Variants in SORL1 observed in about 807,000 individuals in gnomAD.
SORL1 encodes the protein sortilin related receptor 1.
Under a neutral mutation model 273.7 loss-of-function variants are expected in SORL1, and 127 were observed. The ratio of observed to expected loss-of-function variants is 0.46; its 90% CI spans 0.40 to 0.54. The LOEUF is 0.54. SORL1 is among the 20% of genes least tolerant of loss of function. The probability of loss-of-function intolerance (pLI) is 0.00; values close to 1 mark genes in which losing one functional copy is unlikely to be tolerated. For synonymous variants in SORL1, 1,031 were observed against 1,067.4 expected, an observed-to-expected ratio of 0.97 and a Z score of 0.66; for missense variants, 2,494 against 2,846.1, an observed-to-expected ratio of 0.88 and a Z score of 2.81.
intron 24 of SORL1, among the ~76,000 whole-genome samples, chr11:121,575,390 A>G (rs1862912731): frequency 6.6e-6 from 1 of 152,246 alleles, no homozygotes; most frequent in Non-Finnish European, 1.5e-5. Flanking sequence ...GGGAAGTGAG[A>G]GTGGAGGTCA....
intron 14 of SORL1, 96 bp from the exon 15 acceptor site, chr11:121,549,864 A>T (rs1862482306): frequency 9.7e-7 from 1 of 1,029,928 alleles, no homozygotes; most frequent in Non-Finnish European, 1.4e-6. Flanking sequence ...CTTATAATAA[A>T]AGTGAAAAGT....
At chr11:121,538,819 C>T (rs1862305849) in intron 12 of SORL1, among the ~76,000 whole-genome samples, 1 of 152,084 alleles carries the variant, frequency 6.6e-6, no homozygotes, top group Non-Finnish European at 1.5e-5. Flanking sequence ...GCTGGGATTA[C>T]AGGCATGCAC....
At chr11:121,564,544 G>A (rs1862725550) in intron 21 of SORL1, among the ~76,000 whole-genome samples, 1 of 152,118 alleles carries the variant, frequency 6.6e-6, no homozygotes, top group African/African-American at 2.4e-5. Flanking sequence ...AAATCATCCT[G>A]TAATAGAGTA....
intron 32 of SORL1, 22 bp from the exon 33 acceptor site, chr11:121,604,171 A>G (rs575324925): frequency 3.1e-6 from 5 of 1,613,150 alleles, no homozygotes; most frequent in Non-Finnish European, 4.2e-6. Flanking sequence ...CCGTGGACTT[A>G]AGAAGCCTCT....
intron 5 of SORL1, among the ~76,000 whole-genome samples, chr11:121,493,924 G>C (rs2134819209): frequency 6.6e-6 from 1 of 152,258 alleles, no homozygotes; most frequent in South Asian, 2.1e-4. Flanking sequence ...TTCCACAGAG[G>C]GTAGCTGTTT....
In SORL1 at chr11:121,452,657, C is replaced by T; in HGVS notation, c.285+41C>T. The T allele has an allele frequency of 7.1e-7, 1 of 1,402,338 alleles. No homozygotes were observed. The highest frequency in any genetic ancestry group is 9.3e-7 in the Non-Finnish European group (1 of 1,078,344). The allele number at this position is 1,402,338 out of a possible 1,614,324, so 86.9% of individuals were successfully genotyped here. On this transcript the variant is annotated intron_variant, in intron 1 of 47. Transcript: ENST00000260197. This position sits in a 1 kb window ranked among gnomAD's most constrained non-coding sequence, Gnocchi z 5.3. ...ACCCGCCTCCCTCCAGTTTTTTCCTCTCCCTGCACTTCCTCACCCCCGCAT... is the reference window on the plus strand; with the variant it reads ...ACCCGCCTCCCTCCAGTTTTTTCCTTTCCCTGCACTTCCTCACCCCCGCAT...
At chr11:121,522,775 A>C in intron 10 of SORL1, 72 bp downstream of exon 10, 1 of 1,390,208 alleles carries the variant, frequency 7.2e-7, no homozygotes, top group Non-Finnish European at 1.0e-6. Flanking sequence ...CAGAGCGATC[A>C]CCCACACCTC....
At position 121,591,007 on chromosome 11, in the gene SORL1, A is replaced by T; in HGVS notation, c.4220A>T (p.His1407Leu). The change falls in exon 31 of 48, where the codon CAT becomes CTT. Residue 1407 changes from histidine (H) to leucine (L), a missense_variant. Coordinates refer to ENST00000260197, the MANE Select transcript of SORL1 (RefSeq NM_003105.6). ...WSDEKDCGDS[H>L]ILPFSTPGPS... ...TGCTTGGTGTTTTTCTCAGATTCAC[A>T]TATTCTTCCCTTCTCGACTCCTGGG... The T allele has an allele frequency of 6.2e-7, 1 of 1,614,216 alleles. No homozygotes were observed. The highest frequency in any genetic ancestry group is 1.3e-5 in the African/African-American group (1 of 75,054).
chr11:121,577,433 C>T (rs747522699), intron 25 of SORL1, 33 bp downstream of exon 25: 3 of 1,549,722 alleles, frequency 1.9e-6, no homozygotes, highest in South Asian at 1.2e-5. Flanking sequence ...TGACAGCACT[C>T]ATCCGTTCAT....
intron 6 of SORL1, among the ~76,000 whole-genome samples, chr11:121,512,535 C>T (rs1296531060): frequency 6.6e-6 from 1 of 152,224 alleles, no homozygotes; most frequent in African/African-American, 2.4e-5. Flanking sequence ...AACCTTGTGA[C>T]TGGAGCATCC....
chr11:121,458,895 G>A (rs1010369436), intron 1 of SORL1, among the ~76,000 whole-genome samples: 12 of 152,120 alleles, frequency 7.9e-5, no homozygotes, highest in African/African-American at 2.4e-4. Context: ...GGTGGGTTCC[G>A]TAAAAATAGG....
rs374874891 is a variant in SORL1, at chr11:121,493,146, T to G, written c.758+3036T>G. On this transcript the variant is annotated intron_variant, in intron 5 of 47. Coordinates refer to ENST00000260197, the MANE Select transcript of SORL1 (RefSeq NM_003105.6). The stretch of plus-strand genomic sequence containing the variant: ...GGCATGTGCAGCCATCCCTAGCTAA[T>G]TTTTACATTTTTTTGTAGAAAGGAG... 1.2e-4 allele frequency among the ~76,000 whole-genome samples: 18 copies of G among 152,242 alleles called. No homozygotes were observed. In the East Asian group the frequency reaches 3.3e-3, roughly 28 times the overall value.
At chr11:121,487,684 G>A (rs771815590) in intron 3 of SORL1, among the ~76,000 whole-genome samples, 56 of 152,224 alleles carry the variant, frequency 3.7e-4, no homozygotes, top group Admixed American at 1.2e-3. Flanking sequence ...ACTACCCTCT[G>A]GTTGTGACTG....
chr11:121,496,751 A>G, intron 5 of SORL1, 118 bp from the exon 6 acceptor site: 2 of 761,024 alleles, frequency 2.6e-6, no homozygotes, highest in South Asian at 3.7e-5. Flanking sequence ...AGAGAGTATG[A>G]TCTGTGGGTC....
chr11:121,513,375 G>A (rs1443495880), intron 7 of SORL1, among the ~76,000 whole-genome samples: 3 of 152,178 alleles, frequency 2.0e-5, no homozygotes, highest in Non-Finnish European at 4.4e-5. Context: ...TCTGAGCAAC[G>A]TGCCAGTACT....
intron 11 of SORL1, among the ~76,000 whole-genome samples, chr11:121,532,048 T>C (rs189549444): frequency 1.4e-4 from 21 of 152,314 alleles, no homozygotes; most frequent in African/African-American, 5.1e-4. Context: ...TTGTTTTTTG[T>C]CCAGAGTTTT....
intron 11 of SORL1, among the ~76,000 whole-genome samples, chr11:121,528,975 C>T (rs1431459624): frequency 6.6e-6 from 1 of 152,140 alleles, no homozygotes; most frequent in East Asian, 1.9e-4. Context: ...GGTAAGATCT[C>T]CTACTATGAT....
intron 3 of SORL1, among the ~76,000 whole-genome samples, chr11:121,481,968 C>A (rs1388232030): frequency 2.0e-5 from 3 of 152,138 alleles, no homozygotes; most frequent in African/African-American, 7.2e-5. Flanking sequence ...TCCCCTAGTG[C>A]ACAGATACCT....
In SORL1 at chr11:121,514,136, A is replaced by G; in HGVS notation, c.1042-16A>G. The G allele has an allele frequency of 6.2e-7, 1 of 1,605,960 alleles. No homozygotes were observed. On this transcript the variant is annotated splice_polypyrimidine_tract_variant and intron_variant, in intron 7 of 47. Transcript: ENST00000260197. ...TTTGTTTTTTGACGTATCTTTTTTG[A>G]CTTTTGATTCCAAAGGAATATTACA...
Sources: allele counts gnomAD v4.1 joint callset (sites outside exome capture counted in the v4.1 genomes callset), GRCh38; gene constraint gnomAD v4.1.1; non-coding constraint Gnocchi (gnomAD v3.1); transcripts MANE v1.5; gene names NCBI Gene and HGNC (gene_info 2026-07-23, HGNC 2026-07-21).